Variants in STAT5B observed in about 807,000 individuals in gnomAD.
The protein encoded by STAT5B is signal transducer and activator of transcription 5B, also known as transcription factor STAT5B.
In STAT5B, 21 loss-of-function variants were observed where a neutral mutation model predicts 107.8. That is an observed-to-expected ratio of 0.19 (90% confidence interval 0.14 to 0.28). The LOEUF is 0.28. Ranked by LOEUF, STAT5B falls within the 10% of genes least tolerant of loss-of-function variation. STAT5B has a pLI of 1.00. For synonymous variants in STAT5B, 325 were observed against 401.7 expected (o/e 0.81, Z 2.28); for missense variants, 565 against 1,008.2 (o/e 0.56, Z 5.95).
chr17:42,236,410 G>A (rs1335861978), intron 1 of STAT5B, among the ~76,000 whole-genome samples: 3 of 152,182 alleles, frequency 2.0e-5, no homozygotes, highest in Non-Finnish European at 4.4e-5. Flanking sequence ...TCCCAGTTAC[G>A]TGAATAACAC....
chr17:42,210,141 C>T (rs1304677097), intron 15 of STAT5B, 30 bp downstream of exon 15: 1 of 1,614,124 alleles, frequency 6.2e-7, no homozygotes, highest in Admixed American at 1.7e-5. Flanking sequence ...AAGCAGCTAA[C>T]TTTGGACATA....
chr17:42,233,390 T>A (rs2080332861), intron 1 of STAT5B, among the ~76,000 whole-genome samples: 1 of 152,198 alleles, frequency 6.6e-6, no homozygotes, highest in South Asian at 2.1e-4. Context: ...AGCAATGTTG[T>A]TAAATTATAG....
chr17:42,286,693 G>C, the STAT5B span, among the ~76,000 whole-genome samples: 1 of 152,160 alleles, frequency 6.6e-6, no homozygotes, highest in African/African-American at 2.4e-5. Flanking sequence ...CTCCAGACCT[G>C]GGTGAGAGGA....
At chr17:42,201,944 A>G in intron 18 of STAT5B, 80 bp from the exon 19 acceptor site, 1 of 1,381,394 alleles carries the variant, frequency 7.2e-7, no homozygotes, top group Non-Finnish European at 1.0e-6. Context: ...CCACCAGGGG[A>G]GCAGTCTGAG....
the STAT5B span, among the ~76,000 whole-genome samples, chr17:42,287,166 G>A: frequency 1.3e-5 from 2 of 151,578 alleles, no homozygotes; most frequent in Middle Eastern, 3.5e-3. Flanking sequence ...TGGGGAGAAC[G>A]CAGACATTTT....
At chr17:42,284,422 A>G in the STAT5B span, among the ~76,000 whole-genome samples, 2 of 152,044 alleles carry the variant, frequency 1.3e-5, no homozygotes, top group South Asian at 2.1e-4. Context: ...GTGCACCACC[A>G]CGCCCAGCTA....
intron 1 of STAT5B, among the ~76,000 whole-genome samples, chr17:42,246,144 C>G (rs1040279532): frequency 6.6e-6 from 1 of 152,080 alleles, no homozygotes; most frequent in Non-Finnish European, 1.5e-5. Flanking sequence ...AAATGTAAAA[C>G]TTAAGATATA....
intron 2 of STAT5B, among the ~76,000 whole-genome samples, chr17:42,228,179 T>C (rs550351137): frequency 3.9e-5 from 6 of 152,334 alleles, no homozygotes; most frequent in African/African-American, 1.4e-4. Flanking sequence ...TTATTGCTAT[T>C]TCTAAGAAGC....
chr17:42,267,686 C>T (rs149777749), intron 1 of STAT5B, among the ~76,000 whole-genome samples: 3 of 152,244 alleles, frequency 2.0e-5, no homozygotes, highest in South Asian at 2.1e-4. Context: ...TGGCCGGGCA[C>T]GGCGGCTCAC....
intron 1 of STAT5B, among the ~76,000 whole-genome samples, chr17:42,249,966 C>G (rs943342171): frequency 2.6e-5 from 4 of 152,084 alleles, no homozygotes; most frequent in Admixed American, 6.6e-5. Flanking sequence ...CAAACCCAGA[C>G]TTCTTTAAAT....
the STAT5B span, among the ~76,000 whole-genome samples, chr17:42,284,264 CT>C: frequency 0.027 from 3,900 of 145,374 alleles, 83 homozygotes; most frequent in Middle Eastern, 0.061. Flanking sequence ...CTCTCTCCCT[CT>C]TTTTTTTTTT....
At chr17:42,237,052 C>G (rs1296117207) in intron 1 of STAT5B, among the ~76,000 whole-genome samples, 1 of 152,156 alleles carries the variant, frequency 6.6e-6, no homozygotes, top group East Asian at 1.9e-4. Context: ...TATTTTTAGG[C>G]CAAAGATGAG....
chr17:42,266,785 T>C (rs922908154), intron 1 of STAT5B, among the ~76,000 whole-genome samples: 5 of 152,162 alleles, frequency 3.3e-5, no homozygotes, highest in African/African-American at 9.7e-5. Flanking sequence ...AGCATGTGAA[T>C]TGTAGCCATG....
chr17:42,273,217 G>T (rs1041850269), intron 1 of STAT5B, among the ~76,000 whole-genome samples: 1 of 149,510 alleles, frequency 6.7e-6, no homozygotes, highest in African/African-American at 2.5e-5. Context: ...AACACTGCAG[G>T]AGAAAAAAAA....
chr17:42,268,888 C>T (rs755949901), intron 1 of STAT5B, among the ~76,000 whole-genome samples: 3 of 152,026 alleles, frequency 2.0e-5, no homozygotes, highest in Non-Finnish European at 4.4e-5. Flanking sequence ...AGAATGAATG[C>T]TATATTACAA....
rs1212271164 is a variant in STAT5B at position 42,223,570 on chromosome 17, G to T, written c.376-14C>A. The stretch of plus-strand genomic sequence containing the variant: ...TGGAGAGCTACCCTGGGAACATATG[G>T]GGGGCAGTGCAAGGCAGTGCGAATG... On this transcript the variant is annotated splice_polypyrimidine_tract_variant and intron_variant, in intron 4 of 18. Coordinates refer to ENST00000293328, the MANE Select transcript of STAT5B (RefSeq NM_012448.4). The T allele has an allele frequency of 5.6e-6, 9 of 1,614,096 alleles. No individual in the cohort carries two copies. The highest frequency in any genetic ancestry group is 8.5e-7 in the Non-Finnish European group (1 of 1,180,000).
chr17:42,205,261 C>A (rs907217492), intron 16 of STAT5B, among the ~76,000 whole-genome samples: 1 of 151,894 alleles, frequency 6.6e-6, no homozygotes, highest in Non-Finnish European at 1.5e-5. Flanking sequence ...AAACTCCTGA[C>A]CTCAAGTGAT....
Position 42,201,551 on chromosome 17 carries a change from C to CAA in STAT5B, c.*186_*187insTT, listed in dbSNP as rs768754690. On this transcript the variant is annotated 3_prime_UTR_variant, in exon 19 of 19. Transcript: ENST00000293328. ...ACACACACACACACACACACACACA[C>CAA]ACAAACACATACTCGCACTCCCTTC... is the stretch of plus-strand genomic sequence containing the variant. 3.6e-5 allele frequency: 24 copies of CAA among 667,618 alleles called. No homozygotes were observed. Among genetic ancestry groups the CAA allele is most frequent in the African/African-American group, 2.7e-4 (15 of 56,282 alleles). The allele number at this position is 667,618 out of a possible 1,614,324, so 41.4% of individuals were successfully genotyped here.
intron 1 of STAT5B, among the ~76,000 whole-genome samples, chr17:42,237,875 G>A (rs1225492570): frequency 6.6e-6 from 1 of 152,154 alleles, no homozygotes; most frequent in African/African-American, 2.4e-5. Flanking sequence ...CTGTAAGAAT[G>A]AATTAGTTTT....
Sources: allele counts gnomAD v4.1 joint callset (sites outside exome capture counted in the v4.1 genomes callset), GRCh38; gene constraint gnomAD v4.1.1; transcripts MANE v1.5; gene names NCBI Gene and HGNC (gene_info 2026-07-23, HGNC 2026-07-21).